The following PARP1 variants were observed in gnomAD, a reference collection of about 807,000 sequenced individuals.
PARP1 encodes the protein poly(ADP-ribose) polymerase 1.
Under a neutral mutation model 118.7 loss-of-function variants are expected in PARP1, and 44 were observed. The ratio of observed to expected loss-of-function variants is 0.37; its 90% CI spans 0.29 to 0.48. The LOEUF (loss-of-function observed/expected upper bound fraction) is 0.48. Ranked by LOEUF, PARP1 falls within the 20% of genes least tolerant of loss-of-function variation. The pLI, the probability that PARP1 is intolerant of heterozygous loss-of-function variation, is 0.99. For synonymous variants in PARP1, 492 were observed against 483.2 expected (o/e 1.02, Z -0.24); for missense variants, 1,100 against 1,272.4 (o/e 0.86, Z 2.06).
In PARP1 at chr1:226,392,217, AC is replaced by A; in HGVS notation, c.383del (p.Cys128LeufsTer5). ...ATCTTACCTTTTCTATCTTCTCCAT[AC>A]ACCCCTTGCACGTACTTCTGTTGGA... ...AKSNRSTCKG[C>X]MEKIEKGQVR... is the part of the protein sequence containing the mutation. On this transcript the variant is annotated frameshift_variant, in exon 3 of 23. Coordinates refer to ENST00000366794, the MANE Select transcript of PARP1 (RefSeq NM_001618.4). LOFTEE classifies it high-confidence loss of function. The A allele has an allele frequency of 6.2e-7, 1 of 1,611,622 alleles. No homozygotes were observed. The highest frequency in any genetic ancestry group is 2.2e-5 in the East Asian group (1 of 44,876).
At chr1:226,365,896 G>A (rs1168514669) in intron 18 of PARP1, 58 bp downstream of exon 18, 1 of 1,117,486 alleles carries the variant, frequency 8.9e-7, no homozygotes, top group East Asian at 2.3e-5. Flanking sequence ...GGTTGGAGGA[G>A]TGGGCAGGGA....
At chr1:226,383,315 A>G (rs1475493821) in intron 7 of PARP1, 132 bp from the exon 8 acceptor site, 1 of 749,322 alleles carries the variant, frequency 1.3e-6, no homozygotes, top group Non-Finnish European at 2.3e-6. Context: ...GTAACAAAAA[A>G]TAGAAAAATG....
At chr1:226,369,472 T>C (rs572059974) in intron 15 of PARP1, among the ~76,000 whole-genome samples, 1 of 152,346 alleles carries the variant, frequency 6.6e-6, no homozygotes, top group East Asian at 1.9e-4. Flanking sequence ...GACTTCCTAG[T>C]AACTGCAAAA....
chr1:226,365,876 C>T (rs1664254057), intron 18 of PARP1, 78 bp downstream of exon 18: 3 of 912,626 alleles, frequency 3.3e-6, no homozygotes, highest in Middle Eastern at 2.2e-4. Flanking sequence ...CTCTTTTCTA[C>T]CCAGGCCCAG....
chr1:226,395,675 C>T (rs976087121), intron 2 of PARP1, among the ~76,000 whole-genome samples: 14 of 152,244 alleles, frequency 9.2e-5, no homozygotes, highest in African/African-American at 3.1e-4. Context: ...CAGAAACCAC[C>T]TAAATTTCCA....
At chr1:226,402,520 A>T in intron 1 of PARP1, 141 bp from the exon 2 acceptor site, 1 of 798,958 alleles carries the variant, frequency 1.3e-6, no homozygotes, top group Non-Finnish European at 2.1e-6. Context: ...CTATCTGTGA[A>T]AGGAGGACAG....
At position 226,394,273 on chromosome 1, in the gene PARP1, C is replaced by T. The variant is rs775162916; in HGVS notation, c.287-1959G>A. ...TTAGGAAGCTAAGGTAAGAAGATTG[C>T]TTAAGTCTAGGAGTTCAAGGCTACA... On this transcript the variant is annotated intron_variant, in intron 2 of 22. Transcript: ENST00000366794. Among the ~76,000 whole-genome samples, 5 of 152,172 alleles carry T rather than the reference C, an allele frequency of 3.3e-5. No homozygotes were observed. The East Asian group carries it at 7.7e-4, about 23-fold the overall frequency.
At chr1:226,362,473 T>TGTC (rs1322424686) in intron 21 of PARP1, among the ~76,000 whole-genome samples, 3 of 152,224 alleles carry the variant, frequency 2.0e-5, no homozygotes, top group African/African-American at 7.2e-5. Context: ...ATGCTCTATC[T>TGTC]TTCTTCAGAT....
intron 22 of PARP1, 80 bp from the exon 23 acceptor site, chr1:226,361,621 G>A: frequency 9.6e-7 from 1 of 1,044,392 alleles, no homozygotes; most frequent in Admixed American, 1.7e-5. Context: ...CAGGCTGGCA[G>A]GACGCTCAGT....
intron 17 of PARP1, 119 bp from the exon 18 acceptor site, chr1:226,366,171 T>C (rs1020382415): frequency 1.2e-5 from 9 of 737,352 alleles, no homozygotes; most frequent in African/African-American, 5.2e-5. Context: ...AAGCCGGGCA[T>C]GACCGAGAGC....
chr1:226,361,046 A>C lies in PARP1; in HGVS notation c.*414T>G, dbSNP rs183728616. 8 of 250,238 alleles carry C rather than the reference A, an allele frequency of 3.2e-5. No individual in the cohort carries two copies. Among genetic ancestry groups the C allele is most frequent in the Non-Finnish European group, 4.7e-5 (6 of 127,570 alleles). 15.5% of individuals were successfully genotyped at this position (250,238 alleles called of 1,614,324 possible). ...TATTTTTAACTAAAAATAAATGCTT[A>C]ACATCTTTCCAAAATCAAAACTAAA... On this transcript the variant is annotated 3_prime_UTR_variant, in exon 23 of 23. Transcript: ENST00000366794.
chr1:226,365,351 T>C (rs896972027), intron 18 of PARP1, among the ~76,000 whole-genome samples, 197 bp from the exon 19 acceptor site: 3 of 152,238 alleles, frequency 2.0e-5, no homozygotes, highest in South Asian at 2.1e-4. Flanking sequence ...CGCCCAGCCA[T>C]TGCTGGTTAG....
intron 12 of PARP1, 98 bp from the exon 13 acceptor site, chr1:226,377,401 T>G (rs1664513704): frequency 1.2e-6 from 1 of 859,922 alleles, no homozygotes; most frequent in South Asian, 1.3e-5. Context: ...TGGGGAAGAA[T>G]TTTACACACC....
intron 19 of PARP1, 93 bp from the exon 20 acceptor site, chr1:226,364,163 T>A: frequency 8.2e-7 from 1 of 1,214,976 alleles, no homozygotes; most frequent in Non-Finnish European, 1.2e-6. Flanking sequence ...GCCACCCAGC[T>A]AAGTGCTGCA....
Position 226,390,397 on chromosome 1 carries a change from GTGCTCCACCCA to G in PARP1, c.617+2_617+12del. ...ACTGAACCCCCAGGGCAACCCCGCA[GTGCTCCACCCA>G]CCCTTCACTCTTGACTCCTGGGAGC... On this transcript the variant is annotated splice_donor_variant and splice_donor_5th_base_variant and intron_variant, in intron 4 of 22. Coordinates refer to ENST00000366794, the MANE Select transcript of PARP1 (RefSeq NM_001618.4). LOFTEE classifies it high-confidence loss of function. 6.2e-7 allele frequency: 1 copy of G among 1,612,114 alleles called. No homozygotes were observed. The highest frequency in any genetic ancestry group is 8.5e-7 in the Non-Finnish European group (1 of 1,179,322).
In PARP1 at chr1:226,377,271, C is replaced by T. The variant is rs1378969848; in HGVS notation, c.1778G>A (p.Gly593Asp). ...YWIFRSWGRV[G>D]TVIGSNKLEQ... The stretch of plus-strand genomic sequence containing the variant: ...CAGTTTGTTGCTACCGATCACCGTA[C>T]CCACACGGCCCCAGGACCTGAATAT... Residue 593 changes from glycine to aspartate, a missense_variant, in exon 13 of 23, where the codon GGT becomes GAT. By Grantham distance (94) the Gly-to-Asp change is moderately conservative. Around this residue, in one of 2 missense-constraint regions of PARP1, gnomAD observed 948 missense variants for 1,031.8 expected, o/e 0.92. Transcript: ENST00000366794. 6.2e-7 allele frequency: 1 copy of T among 1,613,882 alleles called. No individual in the cohort carries two copies. Among genetic ancestry groups the T allele is most frequent in the Non-Finnish European group, 8.5e-7 (1 of 1,179,928 alleles).
At chr1:226,387,469 C>T (rs73089884) in intron 5 of PARP1, among the ~76,000 whole-genome samples, 3,061 of 152,198 alleles carry the variant, frequency 0.02, 114 homozygotes, top group African/African-American at 0.07. Flanking sequence ...TATAGGGTTG[C>T]TATTAGTATC....
At chr1:226,364,371 T>A (rs1466433963) in intron 19 of PARP1, 2 of 381,622 alleles carry the variant, frequency 5.2e-6, no homozygotes, top group Non-Finnish European at 1.0e-5. Flanking sequence ...CGGAATGAGC[T>A]CATCAGTGTT....
At chr1:226,402,440 AGACCTT>A (rs768930309) in intron 1 of PARP1, 61 bp from the exon 2 acceptor site, 3 of 1,530,692 alleles carry the variant, frequency 2.0e-6, no homozygotes, top group East Asian at 2.4e-5. Flanking sequence ...TAGACCCACT[AGACCTT>A]GACCTTGACC....
Sources: allele counts gnomAD v4.1 joint callset (sites outside exome capture counted in the v4.1 genomes callset), GRCh38; gene constraint gnomAD v4.1.1; regional missense constraint gnomAD v4.1.1; transcripts MANE v1.5; gene names NCBI Gene and HGNC (gene_info 2026-07-23, HGNC 2026-07-21).